Variants in RPH3A observed in about 807,000 individuals in gnomAD.
RPH3A encodes the protein rabphilin 3A.
Under a neutral mutation model 102.2 loss-of-function variants are expected in RPH3A, and 48 were observed. The observed-to-expected ratio is 0.47, with a 90% confidence interval of 0.37 to 0.60. RPH3A has a LOEUF of 0.60. Among genes scored for constraint, RPH3A ranks in the 20% least tolerant of loss-of-function variants. The pLI is 0.00. For synonymous variants in RPH3A, 310 were observed against 324.3 expected (o/e 0.96, Z 0.47); for missense variants, 781 against 910.1 (o/e 0.86, Z 1.83).
intron 2 of RPH3A, among the ~76,000 whole-genome samples, chr12:112,810,388 C>A (rs2041549759): frequency 1.3e-5 from 2 of 152,200 alleles, no homozygotes; most frequent in Non-Finnish European, 2.9e-5. Context: ...TCTGAGCATG[C>A]TCTGCGGATG....
At chr12:112,644,831 T>C (rs2135993639) in intron 1 of RPH3A, among the ~76,000 whole-genome samples, 1 of 152,224 alleles carries the variant, frequency 6.6e-6, no homozygotes, top group East Asian at 1.9e-4. Flanking sequence ...GATAGCTATA[T>C]AATAAAAGCA....
At chr12:112,802,658 G>T (rs753039982) in intron 2 of RPH3A, among the ~76,000 whole-genome samples, 2 of 151,940 alleles carry the variant, frequency 1.3e-5, no homozygotes, top group Admixed American at 6.6e-5. Context: ...GTTCAGGAGT[G>T]GTCCCCTGGC....
At chr12:112,834,978 A>C (rs1206294058) in intron 3 of RPH3A, among the ~76,000 whole-genome samples, 1 of 152,140 alleles carries the variant, frequency 6.6e-6, no homozygotes, top group Non-Finnish European at 1.5e-5. Context: ...AGGGAGAGGG[A>C]TCTTGGAGAA....
At chr12:112,643,425 G>A (rs1024676013) in intron 1 of RPH3A, among the ~76,000 whole-genome samples, 3 of 152,252 alleles carry the variant, frequency 2.0e-5, no homozygotes, top group African/African-American at 7.2e-5. Flanking sequence ...AGTTAAGCAT[G>A]TGTGTGTTCG....
chr12:112,856,440 T>G (rs1014401813), intron 5 of RPH3A, among the ~76,000 whole-genome samples: 1 of 152,058 alleles, frequency 6.6e-6, no homozygotes, highest in Non-Finnish European at 1.5e-5. Context: ...CAGACATGCA[T>G]GTAAAAGTGT....
rs930250068 is a variant in RPH3A, at chr12:112,797,985, A to C, written c.-19+5722A>C. 2.0e-5 allele frequency among the ~76,000 whole-genome samples: 3 copies of C among 152,198 alleles called. No individual in the cohort carries two copies. The East Asian group carries it at 5.8e-4, about 29-fold the overall frequency. On this transcript the variant is annotated intron_variant, in intron 2 of 21. Transcript: ENST00000389385. ...ATTCCAGCCGTGAGCCACTGCACCC[A>C]GCCAAAAGTGATTCTTCTTAGCCCA...
At position 112,881,823 on chromosome 12, in the gene RPH3A, C is replaced by T; in HGVS notation, c.1303C>T (p.His435Tyr). Residue 435 changes from histidine (H) to tyrosine (Y), a missense_variant, in exon 15 of 22, where the codon CAC becomes TAC. Around this residue, in one of 2 missense-constraint regions of RPH3A, gnomAD observed 730 missense variants for 810.0 expected, o/e 0.90. Coordinates refer to ENST00000389385, the MANE Select transcript of RPH3A (RefSeq NM_001143854.2). The part of the protein sequence containing the change: ...NGLADPYVKL[H>Y]LLPGASKSNK... ...CTTGGCTGATCCCTACGTTAAGCTG[C>T]ACCTCCTGCCGGGAGCCAGCAAGGT... 6.2e-7 allele frequency: 1 copy of T among 1,612,114 alleles called. No homozygotes were observed. Among genetic ancestry groups the T allele is most frequent in the Non-Finnish European group, 8.5e-7 (1 of 1,178,878 alleles).
intron 2 of RPH3A, among the ~76,000 whole-genome samples, chr12:112,802,299 C>T (rs1156710052): frequency 1.3e-5 from 2 of 152,210 alleles, no homozygotes; most frequent in Non-Finnish European, 2.9e-5. Flanking sequence ...CGAATCCTGC[C>T]TCTGCTACCT....
rs539988681 is a variant in RPH3A, at chr12:112,853,826, GA to G, written c.230+5996del. Among the ~76,000 whole-genome samples the G allele has an allele frequency of 5.2e-3, 720 of 137,960 alleles. 3 individuals are homozygous for G. Among genetic ancestry groups the G allele is most frequent in the African/African-American group, 0.011 (429 of 37,586 alleles). 90.5% of individuals were successfully genotyped at this position (137,960 alleles called of 152,430 possible). On this transcript the variant is annotated intron_variant, in intron 5 of 21. Transcript: ENST00000389385. ...CTGGGTGACAGAGCAAGACTGTCTA[GA>G]AAAAAAAAAAAGATCAAAATAGAAG...
chr12:112,871,268 G>T (rs1243976545), intron 10 of RPH3A, among the ~76,000 whole-genome samples: 1 of 152,034 alleles, frequency 6.6e-6, no homozygotes, highest in Admixed American at 6.5e-5. Flanking sequence ...CATTCACACG[G>T]TTACACAACC....
intron 1 of RPH3A, among the ~76,000 whole-genome samples, chr12:112,747,050 A>T (rs1652236674): frequency 6.6e-6 from 1 of 152,008 alleles, no homozygotes; most frequent in African/African-American, 2.4e-5. Context: ...ATGTCACCTT[A>T]TATTTTGAGA....
At chr12:112,830,147 C>CT (rs1404231009) in intron 3 of RPH3A, among the ~76,000 whole-genome samples, 1 of 152,084 alleles carries the variant, frequency 6.6e-6, no homozygotes, top group Non-Finnish European at 1.5e-5. Flanking sequence ...AAACTTCCCT[C>CT]TTTTCTAATA....
chr12:112,883,049 A>G (rs970316590), intron 15 of RPH3A, among the ~76,000 whole-genome samples: 3 of 152,130 alleles, frequency 2.0e-5, no homozygotes, highest in African/African-American at 7.2e-5. Flanking sequence ...GGGAAAGTTC[A>G]AGGAGGAGGC....
At chr12:112,755,234 T>C (rs1414543186) in intron 1 of RPH3A, among the ~76,000 whole-genome samples, 1 of 152,048 alleles carries the variant, frequency 6.6e-6, no homozygotes, top group East Asian at 1.9e-4. Flanking sequence ...AGGGGGTCAT[T>C]GTTATAGTTT....
chr12:112,621,897 A>AC (rs2039731278), intron 1 of RPH3A, among the ~76,000 whole-genome samples: 1 of 150,342 alleles, frequency 6.7e-6, no homozygotes, highest in Non-Finnish European at 1.5e-5. Context: ...TGGGTCCCTG[A>AC]CCCCTGACCC....
chr12:112,742,390 C>T (rs1344957067), intron 1 of RPH3A, among the ~76,000 whole-genome samples: 5 of 151,930 alleles, frequency 3.3e-5, no homozygotes, highest in South Asian at 2.1e-4. Flanking sequence ...GGCACCGAGA[C>T]GGCCATGAGG....
At chr12:112,689,333 G>A (rs2040289963) in intron 1 of RPH3A, among the ~76,000 whole-genome samples, 1 of 152,178 alleles carries the variant, frequency 6.6e-6, no homozygotes, top group Admixed American at 6.5e-5. Flanking sequence ...CCAGAGAACT[G>A]CCATATCTTC....
At chr12:112,783,352 A>G (rs922026279) in intron 1 of RPH3A, among the ~76,000 whole-genome samples, 4 of 152,098 alleles carry the variant, frequency 2.6e-5, no homozygotes, top group Admixed American at 1.3e-4. Flanking sequence ...CGTGGAGGTA[A>G]CTGATCCAAT....
chr12:112,702,208 G>C (rs1486184501), intron 1 of RPH3A, among the ~76,000 whole-genome samples: 1 of 152,198 alleles, frequency 6.6e-6, no homozygotes, highest in Non-Finnish European at 1.5e-5. Context: ...ACTCTCTTAG[G>C]TTTTAAAATA....
Sources: gnomAD v4.1 joint callset for allele counts (sites outside exome capture counted in the v4.1 genomes callset) on GRCh38, gnomAD v4.1.1 for gene constraint, gnomAD v4.1.1 regional missense constraint, MANE v1.5 for transcripts, NCBI Gene and HGNC (gene_info 2026-07-23, HGNC 2026-07-21) for gene names.